USP12: variants seen among roughly 807,000 people sequenced by gnomAD.
USP12 encodes the protein ubiquitin carboxyl-terminal hydrolase 12.
Under a neutral mutation model 45.5 loss-of-function variants are expected in USP12, and 19 were observed. The ratio of observed to expected loss-of-function variants is 0.42; its 90% confidence interval spans 0.29 to 0.61. The LOEUF is 0.61. USP12 is among the 20% of genes least tolerant of loss of function. The pLI is 0.22. For synonymous variants in USP12, 149 were observed against 148.8 expected, an observed-to-expected ratio of 1.00 and a Z score of -0.01; for missense variants, 242 against 447.7, an observed-to-expected ratio of 0.54 and a Z score of 4.15.
At chr13:27,150,141 T>C (rs926370449) in intron 1 of USP12, among the ~76,000 whole-genome samples, 11 of 152,246 alleles carry the variant, frequency 7.2e-5, no homozygotes, top group African/African-American at 1.4e-4. Context: ...GTGATGGATA[T>C]GCTAATTCCC....
At position 27,099,922 on chromosome 13, in the gene USP12, C is replaced by T. The variant is rs540098199; in HGVS notation, c.344-4092G>A. On this transcript the variant is annotated intron_variant, in intron 3 of 8. Transcript: ENST00000282344. ...TCCGTACTAGCCTACATGGACTTAA[C>T]AACTAATCTTGAATTTGGTACACTG... Among the ~76,000 whole-genome samples, 4 of 152,288 alleles carry T rather than the reference C, an allele frequency of 2.6e-5. No individual in the cohort carries two copies. In the East Asian group the frequency reaches 7.7e-4, roughly 29 times the overall value.
chr13:27,139,728 T>C (rs775346823), intron 1 of USP12, among the ~76,000 whole-genome samples: 5 of 152,204 alleles, frequency 3.3e-5, no homozygotes, highest in Non-Finnish European at 7.3e-5. Context: ...TACAAATAAA[T>C]GCAGGTGAAG....
At chr13:27,101,224 T>C (rs369103819) in intron 3 of USP12, among the ~76,000 whole-genome samples, 4 of 152,244 alleles carry the variant, frequency 2.6e-5, no homozygotes, top group African/African-American at 9.6e-5. Context: ...TGCCAGAATT[T>C]TGCTGTATGT....
intron 6 of USP12, among the ~76,000 whole-genome samples, chr13:27,080,404 A>C (rs951796167): frequency 1.1e-4 from 16 of 152,232 alleles, no homozygotes; most frequent in South Asian, 4.1e-4. Context: ...TTCATCTCAC[A>C]AACAGGAAGC....
intron 8 of USP12, among the ~76,000 whole-genome samples, chr13:27,070,504 A>C (rs1478410768): frequency 1.4e-5 from 2 of 145,690 alleles, no homozygotes; most frequent in African/African-American, 5.0e-5. Context: ...ACATGGCTTA[A>C]TTTTTTTTTT....
rs200455604 is a variant in USP12 at position 27,117,784 on chromosome 13, G to T, written c.49-1188C>A. On this transcript the variant is annotated intron_variant, in intron 1 of 8. Transcript: ENST00000282344. Reference sequence around the variant, plus strand: ...AGGACCTCGCACAGACAATCATAGCGTGTCACAGTTTCAAGAACGTGATCA... The same window carrying T: ...AGGACCTCGCACAGACAATCATAGCTTGTCACAGTTTCAAGAACGTGATCA... The T allele has an allele frequency of 1.4e-4, 70 of 518,300 alleles. 1 individual carries two copies. Among genetic ancestry groups the T allele is most frequent in the South Asian group, 9.4e-4 (67 of 71,546 alleles). 32.1% of individuals were successfully genotyped at this position (518,300 alleles called of 1,614,324 possible).
At position 27,069,161 on chromosome 13, in the gene USP12, A is replaced by G. The variant is rs1356180156; in HGVS notation, c.*122T>C. On this transcript the variant is annotated 3_prime_UTR_variant, in exon 9 of 9. Transcript: ENST00000282344. ...ATCGTCTTTGCTTTATCGTGTGCAA[A>G]GTGTGCTACTGCCCCCTGAGCTTCC... The G allele has an allele frequency of 1.8e-5, 14 of 759,674 alleles. No individual in the cohort carries two copies. Among genetic ancestry groups the G allele is most frequent in the Non-Finnish European group, 3.1e-5 (14 of 444,794 alleles). The allele number at this position is 759,674 out of a possible 1,614,324, so 47.1% of individuals were successfully genotyped here. A position where few individuals can be genotyped will look rare whatever the true frequency, so the allele number is the denominator to read the frequency against.
chr13:27,107,141 A>G (rs1211910674), intron 2 of USP12, among the ~76,000 whole-genome samples: 6 of 152,154 alleles, frequency 3.9e-5, no homozygotes, highest in Non-Finnish European at 7.3e-5. Flanking sequence ...CTTGATCAAC[A>G]TGGTGAAACC....
chr13:27,154,702 CCACATCCTAATCCCCAGAA>C (rs149555919), intron 1 of USP12, among the ~76,000 whole-genome samples: 2,027 of 152,240 alleles, frequency 0.013, 22 homozygotes, highest in Middle Eastern at 0.027. Flanking sequence ...CTCAAAATGT[CCACATCCTAATCCCCAGAA>C]CCTGTGAATT....
At chr13:27,083,800 T>C (rs1252769069) in intron 6 of USP12, among the ~76,000 whole-genome samples, 1 of 151,998 alleles carries the variant, frequency 6.6e-6, no homozygotes, top group African/African-American at 2.4e-5. Flanking sequence ...TTGTGGCACA[T>C]CATTAACATT....
intron 2 of USP12, among the ~76,000 whole-genome samples, chr13:27,111,558 T>A (rs1282304280): frequency 6.6e-6 from 1 of 152,196 alleles, no homozygotes; most frequent in African/African-American, 2.4e-5. Context: ...ACAATCTCAT[T>A]CTTGCTTTCA....
At chr13:27,144,409 C>T (rs564172361) in intron 1 of USP12, among the ~76,000 whole-genome samples, 2 of 149,764 alleles carry the variant, frequency 1.3e-5, no homozygotes, top group African/African-American at 2.5e-5. Flanking sequence ...GCAGGATGTT[C>T]GCTTGAGCCC....
intron 1 of USP12, among the ~76,000 whole-genome samples, chr13:27,154,982 G>T (rs758237040): frequency 6.7e-6 from 1 of 148,814 alleles, no homozygotes; most frequent in East Asian, 2.0e-4. Flanking sequence ...AGTCCCTCCT[G>T]CAGCTCCAGG....
chr13:27,128,151 A>C (rs1349173150), intron 1 of USP12, among the ~76,000 whole-genome samples: 1 of 152,234 alleles, frequency 6.6e-6, no homozygotes, highest in Non-Finnish European at 1.5e-5. Context: ...ATATGGAAAT[A>C]TAAGATCACT....
In USP12 at chr13:27,122,451, G is replaced by A. The variant is rs117299687; in HGVS notation, c.49-5855C>T. 3.1e-4 allele frequency among the ~76,000 whole-genome samples: 47 copies of A among 151,732 alleles called. No homozygotes were observed. In the East Asian group the frequency reaches 7.7e-3, roughly 25 times the overall value. On this transcript the variant is annotated intron_variant, in intron 1 of 8. Transcript: ENST00000282344. ...TCACGGTCTTGGGTACATCTTTATT[G>A]GCAGTGTGGAAACGGACTAATACAC... is the stretch of plus-strand genomic sequence containing the variant.
At chr13:27,118,860 G>C (rs1875860141) in intron 1 of USP12, among the ~76,000 whole-genome samples, 1 of 152,150 alleles carries the variant, frequency 6.6e-6, no homozygotes, top group Non-Finnish European at 1.5e-5. Flanking sequence ...CACTCGCCTT[G>C]TATTCTAACC....
chr13:27,110,131 A>T (rs1400328151), intron 2 of USP12, among the ~76,000 whole-genome samples: 5 of 150,798 alleles, frequency 3.3e-5, no homozygotes, highest in African/African-American at 7.3e-5. Context: ...TCCAGGTAAA[A>T]AAAAAAAAAA....
intron 1 of USP12, among the ~76,000 whole-genome samples, chr13:27,130,561 CA>C (rs5802413): frequency 0.77 from 96,227 of 124,784 alleles, 37,196 homozygotes; most frequent in South Asian, 0.9. Context: ...CAAAACATGC[CA>C]AAAAAAAAAA....
rs1872986412 is a variant in USP12, at chr13:27,066,277, A to T, written c.*3006T>A. The T allele has an allele frequency of 6.6e-6, 1 of 152,260 alleles. No individual in the cohort carries two copies. Among genetic ancestry groups the T allele is most frequent in the Non-Finnish European group, 1.5e-5 (1 of 68,104 alleles). The allele number at this position is 152,260 out of a possible 1,614,324, so 9.4% of individuals were successfully genotyped here. A position where few individuals can be genotyped will look rare whatever the true frequency, so the allele number is the denominator to read the frequency against. On this transcript the variant is annotated 3_prime_UTR_variant, in exon 9 of 9. Coordinates refer to ENST00000282344, the MANE Select transcript of USP12 (RefSeq NM_182488.4). Reference sequence around the variant, plus strand: ...CCCACAACAACCCTGTGAGGTAGGTATTACTCCCATTTTACAAGACAGGGA... The same window carrying T: ...CCCACAACAACCCTGTGAGGTAGGTTTTACTCCCATTTTACAAGACAGGGA...
Sources: allele counts gnomAD v4.1 joint callset (sites outside exome capture counted in the v4.1 genomes callset), GRCh38; gene constraint gnomAD v4.1.1; transcripts MANE v1.5; gene names NCBI Gene and HGNC (gene_info 2026-07-23, HGNC 2026-07-21).